The following ORC2 variants were observed in gnomAD, a reference collection of about 807,000 sequenced individuals.
ORC2 encodes the protein origin recognition complex subunit 2, also known as origin recognition complex protein 2 homolog.
A neutral mutation model predicts 77.7 loss-of-function variants in ORC2; 37 were observed. The ratio of observed to expected loss-of-function variants is 0.48; its 90% CI spans 0.37 to 0.63. The LOEUF (loss-of-function observed/expected upper bound fraction) is 0.63, where lower values mean the gene tolerates loss of function less well. Ranked by LOEUF, ORC2 falls within the 20% of genes least tolerant of loss-of-function variation. The pLI is 0.00. For synonymous variants in ORC2, 201 were observed against 229.5 expected (o/e 0.88, Z 1.12); for missense variants, 557 against 661.9 (o/e 0.84, Z 1.74).
intron 6 of ORC2, 45 bp from the exon 7 acceptor site, chr2:200,941,324 CT>C (rs35681252): frequency 6.4e-7 from 1 of 1,565,868 alleles, no homozygotes; most frequent in Non-Finnish European, 8.8e-7. Flanking sequence ...GGACACTTCA[CT>C]TTTCATTGTG....
At chr2:200,918,061 T>C (rs1185966143) in intron 15 of ORC2, among the ~76,000 whole-genome samples, 1 of 152,204 alleles carries the variant, frequency 6.6e-6, no homozygotes, top group Non-Finnish European at 1.5e-5. Flanking sequence ...CATACTGATA[T>C]ATACATTTGA....
intron 11 of ORC2, among the ~76,000 whole-genome samples, chr2:200,929,786 AAAAAG>A (rs1480918191): frequency 2.6e-4 from 39 of 151,358 alleles, no homozygotes; most frequent in Non-Finnish European, 3.0e-5. Flanking sequence ...ACTGTCTCTT[AAAAAG>A]AAAAGAAAAA....
At chr2:200,923,163 C>G (rs2040786832) in intron 13 of ORC2, among the ~76,000 whole-genome samples, 1 of 152,164 alleles carries the variant, frequency 6.6e-6, no homozygotes, top group Non-Finnish European at 1.5e-5. Context: ...GAATACTGAA[C>G]CACTGTTCCC....
chr2:200,954,690 T>C (rs559235987), intron 4 of ORC2, among the ~76,000 whole-genome samples: 34 of 152,246 alleles, frequency 2.2e-4, no homozygotes, highest in African/African-American at 7.9e-4. Flanking sequence ...ATTAATATAA[T>C]AGTCTGTGGC....
chr2:200,952,881 G>A (rs1222155104), intron 4 of ORC2, among the ~76,000 whole-genome samples: 6 of 151,428 alleles, frequency 4.0e-5, no homozygotes, highest in Non-Finnish European at 4.4e-5. Flanking sequence ...ATAGGCTGAG[G>A]CTGGCAGATC....
chr2:200,919,473 C>T (rs896049820), intron 15 of ORC2, among the ~76,000 whole-genome samples: 3 of 152,226 alleles, frequency 2.0e-5, no homozygotes, highest in African/African-American at 7.2e-5. Context: ...ATTCTCCGGC[C>T]TCAGCCTCTT....
At chr2:200,956,311 C>T (rs921042140) in intron 4 of ORC2, among the ~76,000 whole-genome samples, 1 of 152,016 alleles carries the variant, frequency 6.6e-6, no homozygotes, top group African/African-American at 2.4e-5. Context: ...CTCACTGCTG[C>T]CTCAACCTCC....
intron 4 of ORC2, among the ~76,000 whole-genome samples, chr2:200,955,720 C>T (rs1286954323): frequency 1.3e-5 from 2 of 152,176 alleles, no homozygotes; most frequent in African/African-American, 4.8e-5. Flanking sequence ...AAGCACAGTT[C>T]CTCAGTTTTT....
At chr2:200,951,179 T>G (rs1432443142) in intron 4 of ORC2, among the ~76,000 whole-genome samples, 1 of 152,242 alleles carries the variant, frequency 6.6e-6, no homozygotes, top group Admixed American at 6.5e-5. Flanking sequence ...GGTCCTTTCA[T>G]ATCTTGTTCA....
intron 7 of ORC2, among the ~76,000 whole-genome samples, chr2:200,939,045 A>G (rs76834004): frequency 3.8e-4 from 53 of 139,690 alleles, no homozygotes; most frequent in East Asian, 6.9e-4. Context: ...CCTCAGGGGG[A>G]AAAAAAAAAA....
At chr2:200,936,112 T>A (rs990622304) in intron 8 of ORC2, among the ~76,000 whole-genome samples, 1 of 152,242 alleles carries the variant, frequency 6.6e-6, no homozygotes, top group Non-Finnish European at 1.5e-5. Flanking sequence ...GAAGATTACA[T>A]TGAAATGTAT....
At chr2:200,926,924 G>T in intron 11 of ORC2, 24 bp from the exon 12 acceptor site, 1 of 1,607,252 alleles carries the variant, frequency 6.2e-7, no homozygotes, top group Non-Finnish European at 8.5e-7. Context: ...CAGTATTCAT[G>T]AAATTAAACT....
chr2:200,930,674 T>C (rs542242487), intron 11 of ORC2, among the ~76,000 whole-genome samples: 1 of 152,272 alleles, frequency 6.6e-6, no homozygotes, highest in South Asian at 2.1e-4. Flanking sequence ...TGTGCATGTA[T>C]ATTCACATTA....
intron 17 of ORC2, among the ~76,000 whole-genome samples, chr2:200,911,631 G>A (rs537158715): frequency 6.6e-6 from 1 of 152,184 alleles, no homozygotes; most frequent in East Asian, 1.9e-4. Context: ...TTTTTTCATT[G>A]TGCTTTAGAT....
intron 15 of ORC2, among the ~76,000 whole-genome samples, chr2:200,919,355 T>C (rs2124940753): frequency 6.6e-6 from 1 of 152,210 alleles, no homozygotes; most frequent in Non-Finnish European, 1.5e-5. Context: ...AGGCTAATTA[T>C]GCAATTTCTT....
chr2:200,944,079 T>TA (rs1451327594), intron 5 of ORC2, among the ~76,000 whole-genome samples: 1 of 152,092 alleles, frequency 6.6e-6, no homozygotes, highest in African/African-American at 2.4e-5. Flanking sequence ...TACTGAAACA[T>TA]AAAAATGCTC....
At chr2:200,914,462 G>A (rs1055993515) in intron 15 of ORC2, among the ~76,000 whole-genome samples, 3 of 152,186 alleles carry the variant, frequency 2.0e-5, no homozygotes, top group African/African-American at 7.2e-5. Flanking sequence ...CACTGTACCC[G>A]GCCCGCTTTT....
intron 13 of ORC2, among the ~76,000 whole-genome samples, chr2:200,924,630 A>T (rs778879516): frequency 6.6e-6 from 1 of 152,236 alleles, no homozygotes; most frequent in Non-Finnish European, 1.5e-5. Context: ...TAGAGACTAT[A>T]TAATACTATT....
Position 200,952,410 on chromosome 2 carries a change from C to A in ORC2, c.239-2767G>T, listed in dbSNP as rs540599684. On this transcript the variant is annotated intron_variant, in intron 4 of 17. Transcript: ENST00000234296. ...GAGTAGCTGGGACTACAGTCGCCCG[C>A]CACCACACCCGGCTAATTTTTTTTG... 2.8e-3 allele frequency among the ~76,000 whole-genome samples: 426 copies of A among 152,150 alleles called. 3 individuals carry two copies. The highest frequency in any genetic ancestry group is 0.01 in the African/African-American group (416 of 41,506).
Sources: allele counts gnomAD v4.1 joint callset (sites outside exome capture counted in the v4.1 genomes callset), GRCh38; gene constraint gnomAD v4.1.1; transcripts MANE v1.5; gene names NCBI Gene and HGNC (gene_info 2026-07-23, HGNC 2026-07-21).